Variants in CCDC179 observed in about 807,000 individuals in gnomAD.
CCDC179 encodes the protein coiled-coil domain-containing protein 179.
In CCDC179, 17 loss-of-function variants were observed where a neutral mutation model predicts 12.0. That is an observed-to-expected ratio of 1.42 (90% confidence interval 0.97 to 2.13). The LOEUF is 2.13. Ranked by LOEUF, CCDC179 falls within the 30% of genes most tolerant of loss-of-function variation. The pLI is 0.00. For synonymous variants in CCDC179, 27 were observed against 26.4 expected (o/e 1.02, Z -0.07); for missense variants, 83 against 78.6 (o/e 1.06, Z -0.21).
At chr11:22,860,296 A>T in intron 1 of CCDC179, 81 bp downstream of exon 1, 1 of 1,457,322 alleles carries the variant, frequency 6.9e-7, no homozygotes, top group Non-Finnish European at 9.2e-7. Context: ...TAGAAGCACC[A>T]TGGCCAAGGC....
intron 3 of CCDC179, among the ~76,000 whole-genome samples, chr11:22,850,785 A>G (rs989996414): frequency 1.3e-5 from 2 of 151,362 alleles, no homozygotes; most frequent in Non-Finnish European, 2.9e-5. Context: ...CTGTGTGTAA[A>G]TGAATCAAGA....
chr11:22,860,403 C>A lies in CCDC179; in HGVS notation c.19G>T (p.Asp7Tyr), dbSNP rs1371010510. The A allele has an allele frequency of 3.9e-6, 6 of 1,535,466 alleles. No homozygotes were observed. In the African/African-American group the frequency reaches 5.5e-5, roughly 14 times the overall value. The change falls in exon 1 of 4, where the codon GAC becomes TAC. Residue 7 changes from aspartate (D) to tyrosine (Y), a missense_variant. Transcript: ENST00000532798. ...GGGTTGACTTGGGAAGGCTCGATGTCCCAGCAATACAGGCACATGCCGTGG... is the reference window on the plus strand; with the variant it reads ...GGGTTGACTTGGGAAGGCTCGATGTACCAGCAATACAGGCACATGCCGTGG... Reference protein sequence around the residue: MCLYCWDIEPSQVNPEG... With the variant: MCLYCWYIEPSQVNPEG...
chr11:22,851,774 C>G (rs1165360522), intron 3 of CCDC179, among the ~76,000 whole-genome samples: 1 of 152,152 alleles, frequency 6.6e-6, no homozygotes, highest in East Asian at 1.9e-4. Flanking sequence ...TCAACTTTAT[C>G]TGATGAATGG....
intron 1 of CCDC179, among the ~76,000 whole-genome samples, chr11:22,859,804 G>A (rs748615326): frequency 2.0e-4 from 31 of 152,092 alleles, no homozygotes; most frequent in Non-Finnish European, 3.1e-4. Context: ...ACGAGAAATC[G>A]AAAAATGCAT....
In CCDC179 at chr11:22,859,446, C is replaced by A; in HGVS notation, c.90+6G>T. ...ACCAGAACCTAGTTCTTTATTTAAA[C>A]ATTACCTGCCGCTCAGTGACCTCTG... On this transcript the variant is annotated splice_donor_region_variant and intron_variant, in intron 2 of 3. Transcript: ENST00000532798. The A allele has an allele frequency of 6.7e-7, 1 of 1,486,474 alleles. No individual in the cohort carries two copies. The highest frequency in any genetic ancestry group is 8.9e-7 in the Non-Finnish European group (1 of 1,119,314). 92.1% of individuals were successfully genotyped at this position (1,486,474 alleles called of 1,614,324 possible).
chr11:22,855,090 G>T (rs987692128), intron 3 of CCDC179, among the ~76,000 whole-genome samples: 2 of 151,600 alleles, frequency 1.3e-5, no homozygotes. Context: ...AGAAGAAATA[G>T]ACAAATCTGC....
chr11:22,848,992 C>A (rs12787548), intron 3 of CCDC179, among the ~76,000 whole-genome samples: 1 of 152,168 alleles, frequency 6.6e-6, no homozygotes, highest in Non-Finnish European at 1.5e-5. Flanking sequence ...ATTAAAGTAA[C>A]TGTTTTTGAC....
intron 2 of CCDC179, among the ~76,000 whole-genome samples, chr11:22,858,613 A>G (rs10833845): frequency 0.17 from 25,919 of 152,026 alleles, 2,413 homozygotes; most frequent in East Asian, 0.29. Context: ...TAAAAAATCC[A>G]CTGATAACAG....
chr11:22,850,961 T>TAC (rs1297799442), intron 3 of CCDC179, among the ~76,000 whole-genome samples: 1 of 16,656 alleles, frequency 6.0e-5, no homozygotes, highest in South Asian at 2.5e-3. Context: ...TATATATATA[T>TAC]ATATATATAT....
intron 3 of CCDC179, among the ~76,000 whole-genome samples, chr11:22,857,337 G>A (rs1378165183): frequency 6.6e-6 from 1 of 151,562 alleles, no homozygotes; most frequent in Non-Finnish European, 1.5e-5. Context: ...ACAGAATAGC[G>A]AGCTCGGAAA....
At chr11:22,858,233 T>C (rs533456301) in intron 2 of CCDC179, 2 of 373,546 alleles carry the variant, frequency 5.4e-6, no homozygotes, top group East Asian at 4.5e-5. Context: ...GGAGCATCAG[T>C]AGGGTTTTCA....
rs146020228 is a variant in CCDC179 at position 22,849,782 on chromosome 11, G to A, written c.196-2261C>T. Among the ~76,000 whole-genome samples the A allele has an allele frequency of 1.0e-3, 159 of 152,248 alleles. 2 individuals are homozygous for A. The East Asian group carries it at 0.026, about 25-fold the overall frequency. ...GGAGGCAGCTACATTGTCTGGGGTA[G>A]ATACCCAGGGTTCGTTGTCCCGTAC... On this transcript the variant is annotated intron_variant, in intron 3 of 3. Coordinates refer to ENST00000532798, the MANE Select transcript of CCDC179 (RefSeq NM_001195637.2).
At chr11:22,858,971 TTG>T (rs1157615105) in intron 2 of CCDC179, among the ~76,000 whole-genome samples, 2 of 152,048 alleles carry the variant, frequency 1.3e-5, no homozygotes, top group East Asian at 3.9e-4. Context: ...ACACTAAATT[TTG>T]TGTGATCCTA....
chr11:22,852,313 T>G (rs1478255644), intron 3 of CCDC179, among the ~76,000 whole-genome samples: 6 of 152,132 alleles, frequency 3.9e-5, no homozygotes, highest in Non-Finnish European at 8.8e-5. Flanking sequence ...TAGTTTATAG[T>G]TTAATAATAG....
At chr11:22,854,434 A>G (rs1858488919) in intron 3 of CCDC179, among the ~76,000 whole-genome samples, 1 of 151,848 alleles carries the variant, frequency 6.6e-6, no homozygotes, top group South Asian at 2.1e-4. Context: ...GAAAAGGGGA[A>G]TGGGAATACT....
Position 22,857,978 on chromosome 11 carries a change from T to C in CCDC179, c.139A>G (p.Arg47Gly), listed in dbSNP as rs1205343913. The C allele has an allele frequency of 3.9e-6, 6 of 1,528,730 alleles. No individual in the cohort carries two copies. The highest frequency in any genetic ancestry group is 1.2e-5 in the South Asian group (1 of 82,566). The allele number at this position is 1,528,730 out of a possible 1,614,324, so 94.7% of individuals were successfully genotyped here. The change falls in exon 3 of 4, where the codon AGG becomes GGG. Residue 47 changes from arginine to glycine, a missense_variant. Transcript: ENST00000532798. ...CTTGAAAACCTTTTATTCAGTCTCC[T>C]CTTCTCTTTCTTTAGGTGTTGCATA... is the stretch of plus-strand genomic sequence containing the variant. ...QNMQHLKKEK[R>G]RLNKRFSRPS...
At chr11:22,855,977 C>T (rs1288039383) in intron 3 of CCDC179, among the ~76,000 whole-genome samples, 1 of 151,226 alleles carries the variant, frequency 6.6e-6, no homozygotes, top group Non-Finnish European at 1.5e-5. Flanking sequence ...AAAATTCACA[C>T]AAGACATAGA....
chr11:22,854,876 A>G (rs1467958270), intron 3 of CCDC179, among the ~76,000 whole-genome samples: 1 of 151,806 alleles, frequency 6.6e-6, no homozygotes, highest in Non-Finnish European at 1.5e-5. Flanking sequence ...GGAGAAAGAT[A>G]TACATTGCTA....
intron 2 of CCDC179, among the ~76,000 whole-genome samples, chr11:22,859,007 C>G (rs182943882): frequency 2.0e-5 from 3 of 151,972 alleles, no homozygotes; most frequent in African/African-American, 4.8e-5. Context: ...CAAAACCAAG[C>G]AAAAGCAAAT....
Sources: gnomAD v4.1 joint callset for allele counts (sites outside exome capture counted in the v4.1 genomes callset) on GRCh38, gnomAD v4.1.1 for gene constraint, MANE v1.5 for transcripts, NCBI Gene and HGNC (gene_info 2026-07-23, HGNC 2026-07-21) for gene names.